RANBP17: variants seen among roughly 807,000 people sequenced by gnomAD.
RANBP17 encodes the protein RAN binding protein 17.
Under a neutral mutation model 141.2 loss-of-function variants are expected in RANBP17, and 158 were observed. The ratio of observed to expected loss-of-function variants is 1.12; its 90% CI spans 0.98 to 1.28. The LOEUF (loss-of-function observed/expected upper bound fraction) is 1.28, where lower values mean the gene tolerates loss of function less well. Ranked by LOEUF, RANBP17 falls within the 50% of genes most tolerant of loss-of-function variation. The pLI is 0.00. For missense variants in RANBP17, 1,438 were observed against 1,290.7 expected (o/e 1.11, Z -1.75); for synonymous variants, 430 against 450.0 (o/e 0.96, Z 0.56).
chr5:170,975,785 T>C (rs1196845338), intron 14 of RANBP17, among the ~76,000 whole-genome samples: 1 of 152,138 alleles, frequency 6.6e-6, no homozygotes, highest in Non-Finnish European at 1.5e-5. Context: ...TTTTATTCTT[T>C]TTCTCTCTGT....
intron 14 of RANBP17, among the ~76,000 whole-genome samples, chr5:171,067,180 A>G (rs1784360679): frequency 1.3e-5 from 2 of 151,920 alleles, no homozygotes; most frequent in South Asian, 4.2e-4. Flanking sequence ...TTTTAAAATT[A>G]TTTTCTTAGT....
At chr5:170,998,928 A>G (rs1358289932) in intron 14 of RANBP17, among the ~76,000 whole-genome samples, 1 of 152,012 alleles carries the variant, frequency 6.6e-6, no homozygotes, top group Admixed American at 6.6e-5. Context: ...CTTACGTGTT[A>G]TTTTATATTT....
At chr5:170,929,545 G>C (rs1295903677) in intron 12 of RANBP17, among the ~76,000 whole-genome samples, 3 of 152,064 alleles carry the variant, frequency 2.0e-5, no homozygotes, top group African/African-American at 7.2e-5. Context: ...TGTTAAACCA[G>C]CTTTGCATTC....
chr5:170,898,617 G>T (rs1229786644), intron 5 of RANBP17, among the ~76,000 whole-genome samples: 2 of 151,994 alleles, frequency 1.3e-5, no homozygotes, highest in Admixed American at 1.3e-4. Flanking sequence ...TATGTCCTTA[G>T]TGGTACTGCC....
intron 14 of RANBP17, 112 bp from the exon 15 acceptor site, chr5:171,170,018 A>G (rs952100749): frequency 4.2e-6 from 2 of 472,288 alleles, no homozygotes; most frequent in Non-Finnish European, 7.4e-6. Context: ...CCCACTCCCT[A>G]CTTCAGTGTG....
chr5:171,225,647 G>A (rs552478192), intron 22 of RANBP17, among the ~76,000 whole-genome samples: 1 of 152,286 alleles, frequency 6.6e-6, no homozygotes, highest in African/African-American at 2.4e-5. Flanking sequence ...AACATTCTGT[G>A]ATCCCTTCTG....
intron 12 of RANBP17, among the ~76,000 whole-genome samples, chr5:170,926,149 A>T (rs1772898370): frequency 6.6e-6 from 1 of 151,978 alleles, no homozygotes; most frequent in Non-Finnish European, 1.5e-5. Context: ...TTAAAGTGCC[A>T]AATAGTAAAT....
chr5:170,889,275 T>C (rs1281864985), intron 3 of RANBP17, among the ~76,000 whole-genome samples: 7 of 152,096 alleles, frequency 4.6e-5, no homozygotes, highest in African/African-American at 1.7e-4. Flanking sequence ...ATCGTCTCTT[T>C]CCTTTCCCAA....
intron 24 of RANBP17, among the ~76,000 whole-genome samples, chr5:171,258,252 A>G (rs751209864): frequency 1.3e-5 from 2 of 152,126 alleles, no homozygotes; most frequent in Non-Finnish European, 2.9e-5. Context: ...ACACAAATAA[A>G]TGGAAAAACA....
At chr5:170,914,294 T>C in intron 8 of RANBP17, 54 bp downstream of exon 8, 5 of 1,125,942 alleles carry the variant, frequency 4.4e-6, no homozygotes, top group Non-Finnish European at 6.6e-6. Flanking sequence ...AAATAAGGGG[T>C]GGTATATATT....
chr5:170,916,594 A>T lies in RANBP17; in HGVS notation c.954+10A>T. The T allele has an allele frequency of 6.6e-7, 1 of 1,513,562 alleles. No homozygotes were observed. The highest frequency in any genetic ancestry group is 1.3e-5 in the South Asian group (1 of 78,624). 93.8% of individuals were successfully genotyped at this position (1,513,562 alleles called of 1,614,324 possible). A position where few individuals can be genotyped will look rare whatever the true frequency, so the allele number is the denominator to read the frequency against. On this transcript the variant is annotated intron_variant, in intron 9 of 27. Transcript: ENST00000523189. ...ACTTGAAAACCCTCAGGTATTTATG[A>T]AGTAATTTAATACTTAGCATATAGA...
At chr5:171,205,374 G>C (rs1269194895) in intron 19 of RANBP17, 150 bp from the exon 20 acceptor site, 3 of 627,850 alleles carry the variant, frequency 4.8e-6, no homozygotes, top group South Asian at 1.9e-5. Context: ...TCTGTTTAAA[G>C]AGTCTGTGCT....
chr5:171,269,562 A>G (rs1004942290), intron 25 of RANBP17, among the ~76,000 whole-genome samples: 13 of 152,200 alleles, frequency 8.5e-5, no homozygotes, highest in Non-Finnish European at 4.4e-5. Flanking sequence ...ATCTGTTTAC[A>G]TCAGCTTTCC....
In RANBP17 at chr5:171,252,774, T is replaced by C. The variant is rs1414580937; in HGVS notation, c.2776+9954T>C. 8 of 1,283,064 alleles carry C rather than the reference T, an allele frequency of 6.2e-6. No individual in the cohort carries two copies. In the African/African-American group the frequency reaches 1.0e-4, roughly 16 times the overall value. The allele number at this position is 1,283,064 out of a possible 1,614,324, so 79.5% of individuals were successfully genotyped here. A position where few individuals can be genotyped will look rare whatever the true frequency, so the allele number is the denominator to read the frequency against. On this transcript the variant is annotated intron_variant, in intron 24 of 27. Coordinates refer to ENST00000523189, the MANE Select transcript of RANBP17 (RefSeq NM_022897.5). ...TTTGTAGACTTGCTTCATATGAAAGTGTGGAGGGTGTGTGCAGCCTCATTG... is the reference window on the plus strand; with the variant it reads ...TTTGTAGACTTGCTTCATATGAAAGCGTGGAGGGTGTGTGCAGCCTCATTG...
In RANBP17 at chr5:171,180,990, A is replaced by G. The variant is rs377508851; in HGVS notation, c.1866-2177A>G. Among the ~76,000 whole-genome samples, 195 of 152,320 alleles carry G rather than the reference A, an allele frequency of 1.3e-3. 9 individuals are homozygous for G. The South Asian group carries it at 0.039, about 30-fold the overall frequency. ...TAGACCCTGTCACTTTTAACTTCGC[A>G]ATTTTAAGAGAATTCTATTTGGTAA... On this transcript the variant is annotated intron_variant, in intron 16 of 27. Coordinates refer to ENST00000523189, the MANE Select transcript of RANBP17 (RefSeq NM_022897.5).
chr5:171,038,200 G>A (rs974627098), intron 14 of RANBP17, among the ~76,000 whole-genome samples: 5 of 143,074 alleles, frequency 3.5e-5, no homozygotes, highest in African/African-American at 5.1e-5. Context: ...GTGTGTGCAC[G>A]TGCACAGCAA....
At chr5:171,235,595 T>TAC (rs552892792) in intron 22 of RANBP17, among the ~76,000 whole-genome samples, 61 of 151,708 alleles carry the variant, frequency 4.0e-4, no homozygotes, top group Non-Finnish European at 5.6e-4. Context: ...GAAATTGATG[T>TAC]ACACACACAC....
chr5:171,029,090 A>G (rs1307380684), intron 14 of RANBP17: 2 of 309,498 alleles, frequency 6.5e-6, no homozygotes, highest in Non-Finnish European at 1.2e-5. Flanking sequence ...TTAGTTTTTT[A>G]AAAGTTTCCT....
At chr5:171,083,761 T>C (rs544036296) in intron 14 of RANBP17, among the ~76,000 whole-genome samples, 1 of 152,208 alleles carries the variant, frequency 6.6e-6, no homozygotes, top group South Asian at 2.1e-4. Flanking sequence ...TCCCATGCTG[T>C]TCTCATGATA....
Sources: gnomAD v4.1 joint callset for allele counts (sites outside exome capture counted in the v4.1 genomes callset) on GRCh38, gnomAD v4.1.1 for gene constraint, MANE v1.5 for transcripts, NCBI Gene and HGNC (gene_info 2026-07-23, HGNC 2026-07-21) for gene names.